Variants in ADAMTS12 observed in about 807,000 individuals in gnomAD.
ADAMTS12 encodes the protein ADAM metallopeptidase with thrombospondin type 1 motif 12.
A neutral mutation model predicts 167.8 loss-of-function variants in ADAMTS12; 118 were observed. The observed-to-expected ratio is 0.70, with a 90% CI of 0.61 to 0.82. The LOEUF is 0.82. Ranked by LOEUF, ADAMTS12 falls within the 40% of genes least tolerant of loss-of-function variation. The pLI, the probability that ADAMTS12 is intolerant of heterozygous loss-of-function variation, is 0.00. For synonymous variants in ADAMTS12, 704 were observed against 716.9 expected (o/e 0.98, Z 0.29); for missense variants, 1,916 against 1,998.8 (o/e 0.96, Z 0.79).
intron 6 of ADAMTS12, among the ~76,000 whole-genome samples, chr5:33,661,590 C>T (rs1348359562): frequency 6.6e-6 from 1 of 152,160 alleles, no homozygotes; most frequent in South Asian, 2.1e-4. Flanking sequence ...TTTAATGAGG[C>T]TCTGCAAGCA....
chr5:33,739,691 G>A (rs1744499135), intron 3 of ADAMTS12, among the ~76,000 whole-genome samples: 1 of 152,192 alleles, frequency 6.6e-6, no homozygotes, highest in South Asian at 2.1e-4. Flanking sequence ...CATCCACTCA[G>A]TCATGACCCT....
At chr5:33,593,437 A>C (rs200363423) in intron 17 of ADAMTS12, among the ~76,000 whole-genome samples, 1 of 152,304 alleles carries the variant, frequency 6.6e-6, no homozygotes, top group East Asian at 1.9e-4. Flanking sequence ...ATTTTGGTGA[A>C]AGCTTTAGAG....
At chr5:33,697,360 G>T (rs150626057) in intron 3 of ADAMTS12, among the ~76,000 whole-genome samples, 4 of 152,280 alleles carry the variant, frequency 2.6e-5, no homozygotes, top group African/African-American at 7.2e-5. Flanking sequence ...AGGAAAAAGA[G>T]ATCAAGGTAA....
chr5:33,880,942 C>T lies in ADAMTS12; in HGVS notation c.489+177G>A, dbSNP rs76668012. On this transcript the variant is annotated intron_variant, in intron 2 of 23. Transcript: ENST00000504830. ...CCCTTACTCTTTGTATCTCTCAAGT[C>T]GATCTCTTTTATTTATTAAATACTT... The T allele has an allele frequency of 2.4e-3, 2,108 of 875,688 alleles. 40 individuals carry two copies. In the African/African-American group the frequency reaches 0.033, roughly 14 times the overall value. 54.2% of individuals were successfully genotyped at this position (875,688 alleles called of 1,614,324 possible).
chr5:33,585,053 C>T (rs189200522), intron 18 of ADAMTS12, among the ~76,000 whole-genome samples: 21 of 131,878 alleles, frequency 1.6e-4, no homozygotes, highest in African/African-American at 5.2e-4. Context: ...ATCCATCCAT[C>T]CATCCATCCA....
At chr5:33,844,067 C>T (rs1049337870) in intron 2 of ADAMTS12, among the ~76,000 whole-genome samples, 27 of 152,214 alleles carry the variant, frequency 1.8e-4, no homozygotes, top group Middle Eastern at 3.4e-3. Flanking sequence ...GGACACTTAT[C>T]ACTTCCCCAA....
intron 5 of ADAMTS12, among the ~76,000 whole-genome samples, chr5:33,679,265 C>T: frequency 6.6e-6 from 1 of 152,206 alleles, no homozygotes; most frequent in Non-Finnish European, 1.5e-5. Context: ...GGTCCCTCCA[C>T]CTGGAATTTC....
intron 18 of ADAMTS12, among the ~76,000 whole-genome samples, chr5:33,580,673 T>C (rs1747017894): frequency 1.3e-5 from 2 of 152,152 alleles, no homozygotes; most frequent in Admixed American, 6.5e-5. Flanking sequence ...CATGTATTCT[T>C]TAGCCTGCTC....
intron 2 of ADAMTS12, among the ~76,000 whole-genome samples, chr5:33,783,910 C>CA (rs768586997): frequency 6.6e-6 from 1 of 151,720 alleles, no homozygotes; most frequent in South Asian, 2.1e-4. Flanking sequence ...GAAGATACCA[C>CA]AAAAAACCTG....
At chr5:33,827,659 T>C (rs1394500882) in intron 2 of ADAMTS12, among the ~76,000 whole-genome samples, 2 of 152,098 alleles carry the variant, frequency 1.3e-5, no homozygotes, top group Non-Finnish European at 2.9e-5. Flanking sequence ...AACCACTCTG[T>C]TGTGCTTTGA....
intron 16 of ADAMTS12, among the ~76,000 whole-genome samples, chr5:33,613,802 A>T (rs991372404): frequency 5.9e-5 from 9 of 152,204 alleles, no homozygotes; most frequent in African/African-American, 2.2e-4. Context: ...ATGTATAAAA[A>T]TGAATAAACA....
intron 7 of ADAMTS12, among the ~76,000 whole-genome samples, chr5:33,652,873 C>T (rs1740916808): frequency 6.6e-6 from 1 of 152,128 alleles, no homozygotes; most frequent in African/African-American, 2.4e-5. Flanking sequence ...AACATGGTGT[C>T]CTTTCCCCAT....
chr5:33,571,359 C>T (rs981281811), intron 19 of ADAMTS12, among the ~76,000 whole-genome samples: 25 of 152,038 alleles, frequency 1.6e-4, no homozygotes, highest in African/African-American at 5.8e-4. Flanking sequence ...AAGCTCTCCT[C>T]AGCAAATGTA....
chr5:33,598,165 T>C (rs1022554931), intron 16 of ADAMTS12, among the ~76,000 whole-genome samples: 4 of 152,150 alleles, frequency 2.6e-5, no homozygotes, highest in Non-Finnish European at 5.9e-5. Flanking sequence ...TCCACTGACA[T>C]TAATGGTCCT....
At chr5:33,564,344 T>C (rs910764351) in intron 19 of ADAMTS12, among the ~76,000 whole-genome samples, 1 of 152,228 alleles carries the variant, frequency 6.6e-6, no homozygotes, top group East Asian at 1.9e-4. Context: ...AACTGAGCTG[T>C]TGAAGCTTAG....
intron 2 of ADAMTS12, among the ~76,000 whole-genome samples, chr5:33,790,304 C>A (rs2112455837): frequency 6.6e-6 from 1 of 152,130 alleles, no homozygotes; most frequent in East Asian, 1.9e-4. Context: ...CCTGTAATCC[C>A]AGCACTTTGG....
At chr5:33,823,097 A>AC (rs1265742076) in intron 2 of ADAMTS12, among the ~76,000 whole-genome samples, 1 of 151,674 alleles carries the variant, frequency 6.6e-6, no homozygotes, top group Non-Finnish European at 1.5e-5. Context: ...TTTCTAAAAA[A>AC]AAAAAAAAAA....
chr5:33,876,980 C>A (rs1250358654), intron 2 of ADAMTS12, among the ~76,000 whole-genome samples: 3 of 152,100 alleles, frequency 2.0e-5, no homozygotes, highest in Non-Finnish European at 4.4e-5. Context: ...AAAAGTTTAA[C>A]CCATATTTGA....
At chr5:33,881,564 C>CT (rs11442532) in intron 1 of ADAMTS12, 84 bp from the exon 2 acceptor site, 199,209 of 1,178,550 alleles carry the variant, frequency 0.17, 6,462 homozygotes, top group African/African-American at 0.47. Flanking sequence ...TGAATGCTAG[C>CT]TTTTTTTTTT....
Sources: gnomAD v4.1 joint callset for allele counts (sites outside exome capture counted in the v4.1 genomes callset) on GRCh38, gnomAD v4.1.1 for gene constraint, MANE v1.5 for transcripts, NCBI Gene and HGNC (gene_info 2026-07-23, HGNC 2026-07-21) for gene names.